The following FLT1 variants were observed in gnomAD, a reference collection of about 807,000 sequenced individuals.
The protein encoded by FLT1 is vascular endothelial growth factor receptor 1.
A neutral mutation model predicts 156.3 loss-of-function variants in FLT1; 49 were observed. That is an observed-to-expected ratio of 0.31 (90% CI 0.25 to 0.40). FLT1 has a LOEUF of 0.40. FLT1 is among the 10% of genes least tolerant of loss of function. FLT1 has a pLI of 1.00. For missense variants in FLT1, 1,322 were observed against 1,637.2 expected, an observed-to-expected ratio of 0.81 and a Z score of 3.32; for synonymous variants, 594 against 583.8, an observed-to-expected ratio of 1.02 and a Z score of -0.25.
intron 10 of FLT1, among the ~76,000 whole-genome samples, chr13:28,412,755 G>A (rs1194204766): frequency 5.8e-5 from 1 of 17,250 alleles, no homozygotes. Context: ...TTTTTTTTTT[G>A]AGACGGAGTC....
At chr13:28,395,380 T>C (rs951254819) in intron 12 of FLT1, among the ~76,000 whole-genome samples, 54 of 152,190 alleles carry the variant, frequency 3.5e-4, no homozygotes, top group Admixed American at 3.4e-3. Flanking sequence ...AGCTGCACTG[T>C]CCAATATGGT....
intron 14 of FLT1, among the ~76,000 whole-genome samples, chr13:28,364,117 TG>T (rs1403702753): frequency 6.6e-6 from 1 of 152,252 alleles, no homozygotes; most frequent in African/African-American, 2.4e-5. Context: ...TTTATATGTT[TG>T]GGATGCTAAT....
intron 11 of FLT1, among the ~76,000 whole-genome samples, chr13:28,402,388 G>C (rs1202455467): frequency 6.6e-6 from 1 of 152,126 alleles, no homozygotes; most frequent in Non-Finnish European, 1.5e-5. Context: ...CTTCCATTTT[G>C]TCACCATCAT....
chr13:28,336,347 T>A (rs1368878520), intron 17 of FLT1, among the ~76,000 whole-genome samples: 2 of 152,242 alleles, frequency 1.3e-5, no homozygotes, highest in Non-Finnish European at 2.9e-5. Context: ...GGAATCCTTC[T>A]GCAGACCCAT....
intron 11 of FLT1, among the ~76,000 whole-genome samples, chr13:28,403,022 C>A (rs993080468): frequency 6.6e-6 from 1 of 151,966 alleles, no homozygotes; most frequent in African/African-American, 2.4e-5. Flanking sequence ...TCAGGTGATC[C>A]GCCCGCCACT....
Position 28,450,526 on chromosome 13 carries a change from A to T in FLT1, c.389-12181T>A, listed in dbSNP as rs527318393. ...AGAGAAAGGGAGAAGGGAAGGAGGGAGGAAAGGAGGGAGAGAGGGAGAAAA... is the reference window on the plus strand; with the variant it reads ...AGAGAAAGGGAGAAGGGAAGGAGGGTGGAAAGGAGGGAGAGAGGGAGAAAA... On this transcript the variant is annotated intron_variant, in intron 3 of 29. Transcript: ENST00000282397. 1.9e-4 allele frequency among the ~76,000 whole-genome samples: 29 copies of T among 151,568 alleles called. 1 individual carries two copies. The South Asian group carries it at 5.7e-3, about 30-fold the overall frequency.
At chr13:28,360,002 T>C (rs1457182752) in intron 14 of FLT1, among the ~76,000 whole-genome samples, 1 of 151,830 alleles carries the variant, frequency 6.6e-6, no homozygotes, top group Non-Finnish European at 1.5e-5. Context: ...TCCTAACTAC[T>C]TGGGAGGCTG....
At chr13:28,487,196 T>A (rs1193208923) in intron 1 of FLT1, among the ~76,000 whole-genome samples, 2 of 152,184 alleles carry the variant, frequency 1.3e-5, no homozygotes, top group South Asian at 4.1e-4. Context: ...GACCCGAGGA[T>A]TTTTAAAAGC....
At chr13:28,468,582 T>C in intron 1 of FLT1, among the ~76,000 whole-genome samples, 1 of 152,306 alleles carries the variant, frequency 6.6e-6, no homozygotes, top group African/African-American at 2.4e-5. Flanking sequence ...ATTGTAATCC[T>C]CAATGTTGGA....
intron 16 of FLT1, among the ~76,000 whole-genome samples, chr13:28,340,942 A>G (rs1357138907): frequency 6.6e-6 from 1 of 152,198 alleles, no homozygotes; most frequent in Non-Finnish European, 1.5e-5. Flanking sequence ...ATGAATTCCT[A>G]TAACAGGGTA....
At chr13:28,473,322 C>T (rs1460889964) in intron 1 of FLT1, among the ~76,000 whole-genome samples, 1 of 152,016 alleles carries the variant, frequency 6.6e-6, no homozygotes, top group African/African-American at 2.4e-5. Context: ...CACAAATGTC[C>T]ACAGCAGTAT....
chr13:28,322,233 G>A lies in FLT1; in HGVS notation c.3051+29C>T, dbSNP rs1178913339. On this transcript the variant is annotated intron_variant, in intron 22 of 29. Transcript: ENST00000282397. This position sits in a 1 kb window ranked among gnomAD's most constrained non-coding sequence, Gnocchi z 4.3. ...AAGGTGTGTGTCCAGCCCTGGCAGA[G>A]AAGAAAAACAGTAAACAGCAAGACT... 1.2e-5 allele frequency: 16 copies of A among 1,340,178 alleles called. No homozygotes were observed. Among genetic ancestry groups the A allele is most frequent in the Non-Finnish European group, 1.6e-5 (15 of 929,786 alleles). 83.0% of individuals were successfully genotyped at this position (1,340,178 alleles called of 1,614,324 possible).
chr13:28,370,877 T>C (rs888327244), intron 14 of FLT1, among the ~76,000 whole-genome samples: 7 of 152,176 alleles, frequency 4.6e-5, no homozygotes, highest in African/African-American at 1.7e-4. Context: ...CCTACAGGGC[T>C]TTTTTTGTGT....
intron 3 of FLT1, among the ~76,000 whole-genome samples, chr13:28,449,988 C>A (rs910480797): frequency 2.2e-5 from 2 of 91,218 alleles, no homozygotes; most frequent in South Asian, 5.9e-4. Context: ...TGTCTAGCGG[C>A]AGGGGATCAG....
chr13:28,366,816 C>T (rs1873313454), intron 14 of FLT1, among the ~76,000 whole-genome samples: 1 of 152,200 alleles, frequency 6.6e-6, no homozygotes, highest in African/African-American at 2.4e-5. Context: ...GTTACTCCTG[C>T]ATCACCCTGT....
chr13:28,373,871 G>C (rs1873729824), intron 14 of FLT1, among the ~76,000 whole-genome samples: 1 of 152,066 alleles, frequency 6.6e-6, no homozygotes, highest in Non-Finnish European at 1.5e-5. Flanking sequence ...AAATCTCTTT[G>C]TATCTCTTCT....
At chr13:28,362,268 G>A (rs1360750701) in intron 14 of FLT1, among the ~76,000 whole-genome samples, 1 of 152,172 alleles carries the variant, frequency 6.6e-6, no homozygotes, top group Non-Finnish European at 1.5e-5. Flanking sequence ...TTCCTTACCT[G>A]TAAAATGAGA....
chr13:28,369,677 T>C (rs921323572), intron 14 of FLT1, among the ~76,000 whole-genome samples: 10 of 152,152 alleles, frequency 6.6e-5, no homozygotes, highest in African/African-American at 1.9e-4. Context: ...TTTGTGAATG[T>C]AAAAAAGAAA....
At chr13:28,473,729 A>AAGGAAG (rs1880335997) in intron 1 of FLT1, among the ~76,000 whole-genome samples, 2 of 84,256 alleles carry the variant, frequency 2.4e-5, no homozygotes, top group African/African-American at 1.1e-4. Flanking sequence ...AAAGAAAGAA[A>AAGGAAG]GAAGGAAGGA....
Sources: allele counts gnomAD v4.1 joint callset (sites outside exome capture counted in the v4.1 genomes callset), GRCh38; gene constraint gnomAD v4.1.1; non-coding constraint Gnocchi (gnomAD v3.1); transcripts MANE v1.5; gene names NCBI Gene and HGNC (gene_info 2026-07-23, HGNC 2026-07-21).